The following RAD51B variants were observed in gnomAD, a reference collection of about 807,000 sequenced individuals.
The protein encoded by RAD51B is DNA repair protein RAD51 homolog 2.
In RAD51B, 38 loss-of-function variants were observed where a neutral mutation model predicts 42.2. That is an observed-to-expected ratio of 0.90 (90% CI 0.70 to 1.18). The LOEUF is 1.18. Ranked by LOEUF, RAD51B falls within the 50% of genes most tolerant of loss-of-function variation. The pLI is 0.00. For synonymous variants in RAD51B, 154 were observed against 145.2 expected (o/e 1.06, Z -0.43); for missense variants, 373 against 400.7 (o/e 0.93, Z 0.59).
At chr14:68,117,696 TTTAC>T (rs1488144941) in intron 7 of RAD51B, among the ~76,000 whole-genome samples, 1 of 152,220 alleles carries the variant, frequency 6.6e-6, no homozygotes, top group Non-Finnish European at 1.5e-5. Flanking sequence ...TAACTTTTCT[TTTAC>T]TTACTGAGTG....
intron 4 of RAD51B, among the ~76,000 whole-genome samples, chr14:67,843,131 CT>C (rs201989213): frequency 0.038 from 5,307 of 141,454 alleles, 203 homozygotes; most frequent in African/African-American, 0.093. Context: ...CTGATGCTTT[CT>C]TTTTTTTTTT....
chr14:68,572,762 C>T (rs1889771584), intron 10 of RAD51B, among the ~76,000 whole-genome samples: 3 of 152,210 alleles, frequency 2.0e-5, no homozygotes, highest in African/African-American at 7.2e-5. Context: ...TCTTCCCCTG[C>T]TGACCTTGAC....
At chr14:68,594,388 A>G in intron 10 of RAD51B, 1 of 1,171,286 alleles carries the variant, frequency 8.5e-7, no homozygotes, top group Non-Finnish European at 1.1e-6. Context: ...ACTCTCCATC[A>G]GGTCTTCCTC....
chr14:67,824,242 T>A (rs2040732774), intron 2 of RAD51B, among the ~76,000 whole-genome samples: 1 of 152,100 alleles, frequency 6.6e-6, no homozygotes, highest in Non-Finnish European at 1.5e-5. Flanking sequence ...AGGTTTTATC[T>A]TAGGATTTTA....
chr14:67,860,310 A>C (rs2042123787), intron 4 of RAD51B, among the ~76,000 whole-genome samples: 1 of 152,200 alleles, frequency 6.6e-6, no homozygotes, highest in Non-Finnish European at 1.5e-5. Context: ...ATACATGAAG[A>C]ACTAATTTCA....
chr14:68,121,157 A>G (rs186973643), intron 7 of RAD51B, among the ~76,000 whole-genome samples: 2 of 152,180 alleles, frequency 1.3e-5, no homozygotes, highest in Admixed American at 1.3e-4. Flanking sequence ...ACTTTTTATT[A>G]TGTCATAGAT....
At chr14:67,868,864 C>A (rs2042422665) in intron 5 of RAD51B, among the ~76,000 whole-genome samples, 1 of 152,290 alleles carries the variant, frequency 6.6e-6, no homozygotes, top group South Asian at 2.1e-4. Flanking sequence ...AGCAGACCTG[C>A]AGCTGAGGGT....
intron 8 of RAD51B, among the ~76,000 whole-genome samples, chr14:68,350,720 G>A (rs17105456): frequency 0.022 from 3,374 of 152,326 alleles, 130 homozygotes; most frequent in African/African-American, 0.078. Flanking sequence ...AGGGGAGATG[G>A]TGGTTGCCCC....
At chr14:68,350,394 C>T (rs1253057946) in intron 8 of RAD51B, among the ~76,000 whole-genome samples, 1 of 152,202 alleles carries the variant, frequency 6.6e-6, no homozygotes, top group Non-Finnish European at 1.5e-5. Flanking sequence ...CTTGGTATAG[C>T]AGCGATGATA....
At chr14:68,241,776 A>C (rs2080393825) in intron 7 of RAD51B, among the ~76,000 whole-genome samples, 1 of 152,046 alleles carries the variant, frequency 6.6e-6, no homozygotes, top group African/African-American at 2.4e-5. Context: ...AAGACCATCA[A>C]ATGATTCCCC....
At chr14:68,415,295 A>G (rs1308996112) in intron 9 of RAD51B, among the ~76,000 whole-genome samples, 1 of 152,162 alleles carries the variant, frequency 6.6e-6, no homozygotes, top group African/African-American at 2.4e-5. Context: ...GCTGGGGTAG[A>G]GTGAGCTGCA....
chr14:68,057,068 A>T lies in RAD51B; in HGVS notation c.756+169864A>T, dbSNP rs577822208. 2.2e-4 allele frequency among the ~76,000 whole-genome samples: 33 copies of T among 151,788 alleles called. No homozygotes were observed. The South Asian group carries it at 6.9e-3, about 32-fold the overall frequency. ...TGTGCCATTGCACTCCAGCCTGGAC[A>T]ACAAGAGTGAAACTCCGTCTCAAAA... On this transcript the variant is annotated intron_variant, in intron 7 of 10. Transcript: ENST00000471583.
At chr14:68,401,554 C>T (rs1359847088) in intron 8 of RAD51B, among the ~76,000 whole-genome samples, 1 of 152,144 alleles carries the variant, frequency 6.6e-6, no homozygotes, top group Non-Finnish European at 1.5e-5. Flanking sequence ...TTCTCAGTAA[C>T]GAGTTTGCTG....
At chr14:68,356,891 G>T (rs376060747) in intron 8 of RAD51B, among the ~76,000 whole-genome samples, 2,195 of 149,686 alleles carry the variant, frequency 0.015, 52 homozygotes, top group African/African-American at 0.052. Flanking sequence ...GCTGAGGCAG[G>T]AGAATGGCAT....
At chr14:68,194,607 T>C (rs1184511427) in intron 7 of RAD51B, among the ~76,000 whole-genome samples, 2 of 152,212 alleles carry the variant, frequency 1.3e-5, no homozygotes, top group African/African-American at 4.8e-5. Flanking sequence ...TTGTTTTAAA[T>C]AGAGAATTAT....
At chr14:67,918,362 G>A (rs2044222372) in intron 7 of RAD51B, among the ~76,000 whole-genome samples, 1 of 152,122 alleles carries the variant, frequency 6.6e-6, no homozygotes, top group African/African-American at 2.4e-5. Context: ...AGCCTCCCGA[G>A]TAGCTGGGAT....
chr14:68,498,019 G>C (rs1281213721), intron 10 of RAD51B: 2 of 176,426 alleles, frequency 1.1e-5, no homozygotes, highest in Non-Finnish European at 2.4e-5. Context: ...ATTTTTTAAG[G>C]TATGTACCTA....
intron 10 of RAD51B, among the ~76,000 whole-genome samples, chr14:68,604,272 G>C (rs1891347522): frequency 7.4e-6 from 1 of 135,208 alleles, no homozygotes; most frequent in Admixed American, 7.6e-5. Flanking sequence ...CCCTGCACAA[G>C]GCCACGCCAA....
At chr14:68,627,897 G>A (rs1892125281) in intron 10 of RAD51B, among the ~76,000 whole-genome samples, 1 of 146,312 alleles carries the variant, frequency 6.8e-6, no homozygotes, top group Admixed American at 7.0e-5. Flanking sequence ...CACTTCACTT[G>A]TATTTAGCTA....
Sources: gnomAD v4.1 joint callset for allele counts (sites outside exome capture counted in the v4.1 genomes callset) on GRCh38, gnomAD v4.1.1 for gene constraint, MANE v1.5 for transcripts, NCBI Gene and HGNC (gene_info 2026-07-23, HGNC 2026-07-21) for gene names.